Variants in ITGAE observed in about 807,000 individuals in gnomAD.
ITGAE encodes integrin alpha-E.
A neutral mutation model predicts 136.5 loss-of-function variants in ITGAE; 99 were observed. The ratio of observed to expected loss-of-function variants is 0.73; its 90% CI spans 0.62 to 0.86. ITGAE has a LOEUF of 0.86. Ranked by LOEUF, ITGAE falls within the 40% of genes least tolerant of loss-of-function variation. The pLI is 0.00. For missense variants in ITGAE, 1,447 were observed against 1,515.3 expected (o/e 0.95, Z 0.75); for synonymous variants, 613 against 591.8 (o/e 1.04, Z -0.52).
At chr17:3,757,919 G>T (rs910373689) in intron 8 of ITGAE, 60 bp from the exon 9 acceptor site, 2 of 1,577,804 alleles carry the variant, frequency 1.3e-6, no homozygotes, top group African/African-American at 1.3e-5. Flanking sequence ...CGAGCTCCAG[G>T]AGAGACTTTA....
chr17:3,753,877 G>A lies in ITGAE; in HGVS notation c.1433C>T (p.Ala478Val), dbSNP rs771249037. The change falls in exon 13 of 31, where the codon GCG becomes GTG. Residue 478 changes from alanine (A) to valine (V), a missense_variant. Around this residue, in one of 3 missense-constraint regions of ITGAE, gnomAD observed 1,031 missense variants for 1,011.4 expected, o/e 1.02. Coordinates refer to ENST00000263087, the MANE Select transcript of ITGAE (RefSeq NM_002208.5). ...ATGATGTTTGTACCGTGGAGCCCCC[G>A]CGATGTAGGAGAGGCTGCAGGTCTT... ...LHKTCSLSYI[A>V]GAPRYKHHGA... 6 of 1,614,012 alleles carry A rather than the reference G, an allele frequency of 3.7e-6. No individual in the cohort carries two copies. The highest frequency in any genetic ancestry group is 1.1e-5 in the South Asian group (1 of 91,090).
In ITGAE at chr17:3,753,934, AGGGTGGTGTGGCTGTGAACACACC is replaced by A. The variant is rs762255410; in HGVS notation, c.1385-33_1385-10del. ...CACGGCCACAGCGTAACCTGGGGCA[AGGGTGGTGTGGCTGTGAACACACC>A]GTGTGCTCCCACCTGGCCTCTCTCT... is the stretch of plus-strand genomic sequence containing the variant. On this transcript the variant is annotated splice_polypyrimidine_tract_variant and intron_variant, in intron 12 of 30. Coordinates refer to ENST00000263087, the MANE Select transcript of ITGAE (RefSeq NM_002208.5). 6.2e-7 allele frequency: 1 copy of A among 1,613,338 alleles called. No individual in the cohort carries two copies. Among genetic ancestry groups the A allele is most frequent in the African/African-American group, 1.3e-5 (1 of 74,926 alleles).
chr17:3,723,521 C>G (rs2051104400), intron 27 of ITGAE, 138 bp from the exon 28 acceptor site: 1 of 1,003,122 alleles, frequency 1.0e-6, no homozygotes, highest in Non-Finnish European at 1.5e-6. Flanking sequence ...TCGGCCCAAG[C>G]GAAGCTCCAG....
Position 3,743,703 on chromosome 17 carries a change from T to C in ITGAE, c.2320-86A>G, listed in dbSNP as rs1329478343. On this transcript the variant is annotated intron_variant, in intron 18 of 30. Coordinates refer to ENST00000263087, the MANE Select transcript of ITGAE (RefSeq NM_002208.5). ...TAATGCTTTTTTTCTTTTTCTTTTT[T>C]TCTTTTTTTTTTTTTTTGAGATGGA... 928 of 1,293,334 alleles carry C rather than the reference T, an allele frequency of 7.2e-4. 2 individuals carry two copies. Among genetic ancestry groups the C allele is most frequent in the Admixed American group, 1.0e-3 (37 of 35,280 alleles). 80.1% of individuals were successfully genotyped at this position (1,293,334 alleles called of 1,614,324 possible).
intron 20 of ITGAE, among the ~76,000 whole-genome samples, chr17:3,738,592 G>A (rs999724492): frequency 7.9e-5 from 12 of 152,212 alleles, no homozygotes; most frequent in Non-Finnish European, 1.5e-5. Context: ...CGGTATCTGC[G>A]CTGCCCAACA....
intron 22 of ITGAE, among the ~76,000 whole-genome samples, chr17:3,732,062 T>C (rs2143010887): frequency 7.1e-6 from 1 of 140,718 alleles, no homozygotes; most frequent in East Asian, 2.1e-4. Context: ...GGTGACAGAA[T>C]GAAACTCCAT....
At chr17:3,768,040 T>G (rs1255295697) in intron 2 of ITGAE, among the ~76,000 whole-genome samples, 1 of 152,182 alleles carries the variant, frequency 6.6e-6, no homozygotes, top group Non-Finnish European at 1.5e-5. Flanking sequence ...TTTTCAGACT[T>G]CTGGCCTCCA....
chr17:3,800,221 G>C (rs2053218488), intron 1 of ITGAE, among the ~76,000 whole-genome samples: 1 of 152,194 alleles, frequency 6.6e-6, no homozygotes, highest in Non-Finnish European at 1.5e-5. Flanking sequence ...TGGGTGATCT[G>C]GCCCCAGGTG....
At position 3,724,413 on chromosome 17, in the gene ITGAE, G is replaced by A. The variant is rs759636561; in HGVS notation, c.3085-669C>T. 7 of 1,612,276 alleles carry A rather than the reference G, an allele frequency of 4.3e-6. No individual in the cohort carries two copies. In the Middle Eastern group the frequency reaches 5.0e-4, roughly 114 times the overall value. ...CGTGTGCGGCCAGCCCAGGGACGGC[G>A]ACGAGCTGGGCATCAGTGCCTCCCT... On this transcript the variant is annotated intron_variant, in intron 26 of 30. Transcript: ENST00000263087.
intron 29 of ITGAE, 164 bp from the exon 30 acceptor site, chr17:3,716,962 T>A: frequency 1.7e-6 from 1 of 572,970 alleles, no homozygotes; most frequent in Non-Finnish European, 3.1e-6. Flanking sequence ...TGATGCAGCA[T>A]TTTAGATCAT....
At chr17:3,724,069 ACAGCAGCGG>A in intron 26 of ITGAE, 1 of 1,597,242 alleles carries the variant, frequency 6.3e-7, no homozygotes, top group East Asian at 2.2e-5. Context: ...CGTTTCTTCA[ACAGCAGCGG>A]CAGCAGCGAC....
In ITGAE at chr17:3,724,371, C is replaced by T. The variant is rs970081914; in HGVS notation, c.3085-627G>A. 6.8e-6 allele frequency: 11 copies of T among 1,606,358 alleles called. No individual in the cohort carries two copies. The African/African-American group carries it at 1.3e-4, about 20-fold the overall frequency. ...CTTCCCCAGCCGCGACTCCGGCCGC[C>T]TCAGCCCGGACCTCAGCGTGTGCGG... On this transcript the variant is annotated intron_variant, in intron 26 of 30. Transcript: ENST00000263087.
At position 3,798,144 on chromosome 17, in the gene ITGAE, T is replaced by C. The variant is rs1185023754; in HGVS notation, c.34+2967A>G. Among the ~76,000 whole-genome samples, 1 of 152,082 alleles carries C rather than the reference T, an allele frequency of 6.6e-6. No homozygotes were observed. The highest frequency in any genetic ancestry group is 1.5e-5 in the Non-Finnish European group (1 of 68,006). On this transcript the variant is annotated intron_variant, in intron 1 of 30. Transcript: ENST00000263087. This position sits in a 1 kb window ranked among gnomAD's most constrained non-coding sequence, Gnocchi z 4.3. ...CGGCCCACACTCCCCCAGCCAGCTC[T>C]CCCCCACACACTGCATTCCGGGGGC... is the stretch of plus-strand genomic sequence containing the variant.
chr17:3,722,540 C>G (rs181083591), intron 28 of ITGAE: 5 of 151,480 alleles, frequency 3.3e-5, no homozygotes, highest in Admixed American at 3.3e-4. Flanking sequence ...AAACCACCTA[C>G]GTCAGGACCT....
At chr17:3,771,567 T>C (rs573593359) in intron 2 of ITGAE, among the ~76,000 whole-genome samples, 5 of 135,774 alleles carry the variant, frequency 3.7e-5, no homozygotes, top group African/African-American at 1.4e-4. Flanking sequence ...AGAGACAGAG[T>C]TTCATTCTTG....
chr17:3,800,923 G>A (rs879461862), intron 1 of ITGAE, among the ~76,000 whole-genome samples, 188 bp downstream of exon 1: 59 of 152,168 alleles, frequency 3.9e-4, no homozygotes, highest in African/African-American at 8.7e-4. Context: ...AGCCTCAGCC[G>A]CCCTTCCCAA....
intron 10 of ITGAE, 106 bp from the exon 11 acceptor site, chr17:3,756,003 G>C (rs1363309792): frequency 1.1e-5 from 12 of 1,086,204 alleles, no homozygotes; most frequent in Non-Finnish European, 1.5e-5. Context: ...AACCATGCTT[G>C]GTGTAACAGG....
chr17:3,754,714 A>C, intron 12 of ITGAE: 3 of 240,072 alleles, frequency 1.2e-5, no homozygotes, highest in Non-Finnish European at 1.7e-5. Context: ...TCCCGCCCCC[A>C]TCCGGAAACC....
chr17:3,736,832 C>T (rs951353264), intron 20 of ITGAE, among the ~76,000 whole-genome samples: 6 of 151,974 alleles, frequency 3.9e-5, no homozygotes, highest in South Asian at 2.1e-4. Context: ...TGAGCCACCA[C>T]GCCCGGCCTA....
Sources: allele counts gnomAD v4.1 joint callset (sites outside exome capture counted in the v4.1 genomes callset), GRCh38; gene constraint gnomAD v4.1.1; regional missense constraint gnomAD v4.1.1; non-coding constraint Gnocchi (gnomAD v3.1); transcripts MANE v1.5; gene names NCBI Gene and HGNC (gene_info 2026-07-23, HGNC 2026-07-21).